The following HCLS1 variants were observed in gnomAD, a reference collection of about 807,000 sequenced individuals.
HCLS1 encodes hematopoietic lineage cell-specific protein.
Under a neutral mutation model 68.6 loss-of-function variants are expected in HCLS1, and 44 were observed. The observed-to-expected ratio is 0.64, with a 90% confidence interval of 0.50 to 0.82. The LOEUF (loss-of-function observed/expected upper bound fraction) is 0.82. HCLS1 is among the 40% of genes least tolerant of loss of function. The pLI is 0.00. For missense variants in HCLS1, 602 were observed against 612.1 expected (o/e 0.98, Z 0.17); for synonymous variants, 217 against 225.8 (o/e 0.96, Z 0.35).
At chr3:121,632,670 A>C (rs1576459800) in intron 11 of HCLS1, 107 bp from the exon 12 acceptor site, 4 of 922,504 alleles carry the variant, frequency 4.3e-6, no homozygotes. Flanking sequence ...TCTCCCCTCT[A>C]CCCTTGCCTC....
In HCLS1 at chr3:121,635,237, T is replaced by TTCTCTCTCTCTCTC. The variant is rs201290743; in HGVS notation, c.691+484_691+497dup. 5.4e-3 allele frequency among the ~76,000 whole-genome samples: 615 copies of TTCTCTCTCTCTCTC among 114,398 alleles called. 7 individuals are homozygous for TTCTCTCTCTCTCTC. Among genetic ancestry groups the TTCTCTCTCTCTCTC allele is most frequent in the South Asian group, 0.031 (83 of 2,660 alleles). 75.0% of individuals were successfully genotyped at this position (114,398 alleles called of 152,430 possible). On this transcript the variant is annotated intron_variant, in intron 9 of 13. Transcript: ENST00000314583. ...TCTCTCTCTCTCTCTTCTCTCCCTT[T>TTCTCTCTCTCTCTC]TCTCTCTCTCTCTCTCTCTCTCTCT...
At chr3:121,641,376 C>G (rs944644083) in intron 6 of HCLS1, among the ~76,000 whole-genome samples, 5 of 152,076 alleles carry the variant, frequency 3.3e-5, no homozygotes, top group Non-Finnish European at 7.4e-5. Context: ...CTTTCATAGA[C>G]TCATTGAAAG....
At chr3:121,636,320 T>C in intron 8 of HCLS1, 114 bp downstream of exon 8, 1 of 843,130 alleles carries the variant, frequency 1.2e-6, no homozygotes, top group Non-Finnish European at 2.0e-6. Context: ...GGACAGGCTC[T>C]GTGTGCCCAG....
At chr3:121,643,085 G>T (rs1294212976) in intron 5 of HCLS1, 104 bp from the exon 6 acceptor site, 2 of 851,190 alleles carry the variant, frequency 2.3e-6, no homozygotes, top group African/African-American at 1.7e-5. Flanking sequence ...GTTTGTAGGG[G>T]CTTCAGGCTG....
At chr3:121,656,159 A>C (rs939799360) in intron 3 of HCLS1, 2 of 152,020 alleles carry the variant, frequency 1.3e-5, no homozygotes, top group Non-Finnish European at 2.9e-5. Context: ...GAAACCATTT[A>C]TTTCTGATTA....
At chr3:121,632,206 C>T in intron 12 of HCLS1, 22 bp from the exon 13 acceptor site, 2 of 1,612,340 alleles carry the variant, frequency 1.2e-6, no homozygotes, top group Non-Finnish European at 8.5e-7. Context: ...GAAACACAAA[C>T]ATGGGATCAT....
At position 121,632,391 on chromosome 3, in the gene HCLS1, T is replaced by C. The variant is rs772134906; in HGVS notation, c.1181A>G (p.Glu394Gly). Residue 394 changes from glutamate to glycine, a missense_variant, in exon 12 of 14, where the codon GAG (glutamate) becomes GGG (glycine). Transcript: ENST00000314583. ...CTCGAGCACCTCCTCATAGTCCCCC[T>C]CTGGTTCATCCTCCTGCTCATGCCT... ...MDRHEQEDEPEGDYEEVLEPE... is the reference protein window; with the variant it reads ...MDRHEQEDEPGGDYEEVLEPE... 6.2e-7 allele frequency: 1 copy of C among 1,613,982 alleles called. No homozygotes were observed. The highest frequency in any genetic ancestry group is 1.1e-5 in the South Asian group (1 of 91,064).
chr3:121,657,261 A>T lies in HCLS1; in HGVS notation c.158+18T>A. On this transcript the variant is annotated intron_variant, in intron 3 of 13. Coordinates refer to ENST00000314583, the MANE Select transcript of HCLS1 (RefSeq NM_005335.6). ...TCCCATAACCCCCTTCCTTTTCTCC[A>T]GTCCTTTCGGCACCTACTTGATGTG... The T allele has an allele frequency of 6.2e-7, 1 of 1,608,596 alleles. No individual in the cohort carries two copies. The highest frequency in any genetic ancestry group is 8.5e-7 in the Non-Finnish European group (1 of 1,175,966).
rs945341293 is a variant in HCLS1 at position 121,655,811 on chromosome 3, C to T, written c.158+1468G>A. ...TTAAGAATAATATTCATTATAGCTA[C>T]TTAATTGAAACCATTTATTTATTTA... On this transcript the variant is annotated intron_variant, in intron 3 of 13. Coordinates refer to ENST00000314583, the MANE Select transcript of HCLS1 (RefSeq NM_005335.6). Among the ~76,000 whole-genome samples, 8 of 146,850 alleles carry T rather than the reference C, an allele frequency of 5.4e-5. No individual in the cohort carries two copies. In the South Asian group the frequency reaches 1.7e-3, roughly 32 times the overall value.
rs1487576881 is a variant in HCLS1 at position 121,647,331 on chromosome 3, G to A, written c.276C>T (p.Asp92=). ...CCTTTCAACTTACCTTGTCCATTCG[G>A]TCTCTTTCTACTCCAAACCGACCTC... ...GYGGRFGVER[D]RMDKSAVGHE... Residue 92 remains aspartate, a synonymous_variant, in exon 4 of 14, where the codon GAC becomes GAT. Coordinates refer to ENST00000314583, the MANE Select transcript of HCLS1 (RefSeq NM_005335.6). 1 of 1,613,694 alleles carries A rather than the reference G, an allele frequency of 6.2e-7. No individual in the cohort carries two copies. The highest frequency in any genetic ancestry group is 1.1e-5 in the South Asian group (1 of 91,054).
chr3:121,638,628 A>AT (rs926403093), intron 6 of HCLS1, among the ~76,000 whole-genome samples: 6 of 152,012 alleles, frequency 3.9e-5, no homozygotes, highest in East Asian at 3.8e-4. Flanking sequence ...GCAAATACAC[A>AT]TTTTTTTTCC....
intron 6 of HCLS1, among the ~76,000 whole-genome samples, chr3:121,641,941 G>A (rs997326206): frequency 6.0e-5 from 9 of 150,632 alleles, no homozygotes; most frequent in Non-Finnish European, 1.3e-4. Flanking sequence ...TTAGCCCGGC[G>A]TAGTGGCGGG....
intron 10 of HCLS1, among the ~76,000 whole-genome samples, chr3:121,633,689 C>T (rs1299954737): frequency 6.6e-5 from 10 of 152,148 alleles, no homozygotes; most frequent in Admixed American, 3.3e-4. Context: ...AGGCACACAC[C>T]ACCATGCCCA....
At chr3:121,646,622 ATATAT>A (rs1431988987) in intron 4 of HCLS1, among the ~76,000 whole-genome samples, 9 of 115,256 alleles carry the variant, frequency 7.8e-5, no homozygotes, top group South Asian at 7.4e-4. Flanking sequence ...ATTATATATT[ATATAT>A]TATAAGTATA....
At chr3:121,633,928 GAA>G (rs2049124860) in intron 10 of HCLS1, among the ~76,000 whole-genome samples, 1 of 152,216 alleles carries the variant, frequency 6.6e-6, no homozygotes, top group Admixed American at 6.5e-5. Flanking sequence ...GCTCCAGCCT[GAA>G]GTGACGGCCC....
Position 121,642,963 on chromosome 3 carries a change from A to G in HCLS1, c.418T>C (p.Tyr140His), listed in dbSNP as rs753086881. The change falls in exon 6 of 14, where the codon TAT becomes CAT. Residue 140 changes from tyrosine (Y) to histidine (H), a missense_variant. Coordinates refer to ENST00000314583, the MANE Select transcript of HCLS1 (RefSeq NM_005335.6). Reference sequence around the variant, plus strand: ...GTGTGCTTCTCCACTTCTCCTTTATAATCAAAGCCGACTGCTGACTACAGA... The same window carrying G: ...GTGTGCTTCTCCACTTCTCCTTTATGATCAAAGCCGACTGCTGACTACAGA... The part of the protein sequence containing the change: ...RADKSAVGFD[Y>H]KGEVEKHTSQ... 11 of 1,613,112 alleles carry G rather than the reference A, an allele frequency of 6.8e-6. No homozygotes were observed. Among genetic ancestry groups the G allele is most frequent in the Non-Finnish European group, 9.3e-6 (11 of 1,179,242 alleles).
chr3:121,648,593 T>C (rs985780889), intron 3 of HCLS1, among the ~76,000 whole-genome samples: 1 of 152,188 alleles, frequency 6.6e-6, no homozygotes, highest in Non-Finnish European at 1.5e-5. Context: ...GCTGGGACTT[T>C]ACCAGCGCAG....
In HCLS1 at chr3:121,633,067, C is replaced by T. The variant is rs771596457; in HGVS notation, c.1008G>A (p.Glu336=). 6.2e-7 allele frequency: 1 copy of T among 1,602,858 alleles called. No individual in the cohort carries two copies. Among genetic ancestry groups the T allele is most frequent in the East Asian group, 2.2e-5 (1 of 44,794 alleles). Residue 336 remains glutamate (E), a splice_region_variant and synonymous_variant, in exon 11 of 14, where the codon GAG becomes GAA. Transcript: ENST00000314583. The stretch of plus-strand genomic sequence containing the variant: ...AGAGAATCTTTGGGGGTTTGCTTAC[C>T]TCCGGGAGAGTCTGCCTAATGGGCA... ...PLLPIRQTLP[E]DNEEPPALPP...
chr3:121,655,525 G>A (rs1348556604), intron 3 of HCLS1: 1 of 137,632 alleles, frequency 7.3e-6, no homozygotes, highest in Admixed American at 7.6e-5. Context: ...TCATGGCGGA[G>A]TGTTGGGAAG....
Sources: gnomAD v4.1 joint callset for allele counts (sites outside exome capture counted in the v4.1 genomes callset) on GRCh38, gnomAD v4.1.1 for gene constraint, MANE v1.5 for transcripts, NCBI Gene and HGNC (gene_info 2026-07-23, HGNC 2026-07-21) for gene names.